Variants in MECOM observed in about 807,000 individuals in gnomAD.
The protein encoded by MECOM is histone-lysine N-methyltransferase MECOM.
MECOM carries 13 observed loss-of-function variants against 116.3 expected under a neutral mutation model. That is an observed-to-expected ratio of 0.11 (90% CI 0.07 to 0.18). The LOEUF is 0.18. Ranked by LOEUF, MECOM falls within the 10% of genes least tolerant of loss-of-function variation. MECOM has a pLI of 1.00. For synonymous variants in MECOM, 528 were observed against 535.2 expected, an observed-to-expected ratio of 0.99 and a Z score of 0.19; for missense variants, 1,299 against 1,509.0, an observed-to-expected ratio of 0.86 and a Z score of 2.31.
At chr3:169,158,195 G>A (rs576364246) in intron 2 of MECOM, among the ~76,000 whole-genome samples, 13 of 152,258 alleles carry the variant, frequency 8.5e-5, no homozygotes, top group Middle Eastern at 3.4e-3. Context: ...GGTGGTTGTC[G>A]TCCCTGGAGA....
chr3:169,496,058 T>A (rs1753762529), intron 1 of MECOM, among the ~76,000 whole-genome samples: 1 of 152,194 alleles, frequency 6.6e-6, no homozygotes, highest in African/African-American at 2.4e-5. Context: ...AGCTTTTCTC[T>A]TGGATCTGCA....
At chr3:169,634,510 T>C (rs1024726313) in intron 1 of MECOM, among the ~76,000 whole-genome samples, 13 of 152,132 alleles carry the variant, frequency 8.5e-5, no homozygotes, top group African/African-American at 2.2e-4. Flanking sequence ...CCAAGGCTTG[T>C]TGGTAAGGGT....
At chr3:169,172,444 T>C (rs990157907) in intron 2 of MECOM, among the ~76,000 whole-genome samples, 1 of 150,600 alleles carries the variant, frequency 6.6e-6, no homozygotes, top group African/African-American at 2.4e-5. Context: ...TGTGTGTGTG[T>C]ATACATATAT....
At chr3:169,184,373 AG>A (rs1746438942) in intron 2 of MECOM, among the ~76,000 whole-genome samples, 1 of 152,186 alleles carries the variant, frequency 6.6e-6, no homozygotes, top group Non-Finnish European at 1.5e-5. Flanking sequence ...TGCTTTCAGG[AG>A]AATTCTGAAT....
chr3:169,252,830 G>T (rs997176670), intron 2 of MECOM, among the ~76,000 whole-genome samples: 3 of 152,206 alleles, frequency 2.0e-5, no homozygotes, highest in Non-Finnish European at 4.4e-5. Context: ...GCTAAAGCCA[G>T]ATATGGTTTG....
chr3:169,212,451 G>GT (rs966958620), intron 2 of MECOM, among the ~76,000 whole-genome samples: 2 of 145,618 alleles, frequency 1.4e-5, no homozygotes, highest in Non-Finnish European at 3.0e-5. Context: ...AAGGGAGAAG[G>GT]TAAAAAAAAA....
chr3:169,346,083 A>G (rs879886882), intron 2 of MECOM, among the ~76,000 whole-genome samples: 1 of 152,086 alleles, frequency 6.6e-6, no homozygotes, highest in Non-Finnish European at 1.5e-5. Context: ...GCTCATGCAG[A>G]GGGTGATGAA....
chr3:169,142,966 T>G (rs1738588910), intron 3 of MECOM, among the ~76,000 whole-genome samples: 1 of 151,922 alleles, frequency 6.6e-6, no homozygotes, highest in Non-Finnish European at 1.5e-5. Flanking sequence ...AAACAAAAAT[T>G]AATGGGCTGA....
intron 1 of MECOM, among the ~76,000 whole-genome samples, chr3:169,492,704 C>T (rs1037868240): frequency 4.6e-5 from 7 of 152,074 alleles, no homozygotes; most frequent in South Asian, 2.1e-4. Context: ...TCTCACGCCT[C>T]TAATCCCAGC....
At chr3:169,478,818 C>T (rs540857774) in intron 1 of MECOM, among the ~76,000 whole-genome samples, 5 of 152,222 alleles carry the variant, frequency 3.3e-5, no homozygotes, top group African/African-American at 9.6e-5. Context: ...TCATTTTAGG[C>T]CCATTTTTAA....
intron 2 of MECOM, among the ~76,000 whole-genome samples, chr3:169,199,257 C>T (rs1408000974): frequency 6.6e-6 from 1 of 152,078 alleles, no homozygotes; most frequent in Non-Finnish European, 1.5e-5. Flanking sequence ...TGCTCTTTCT[C>T]TTCCGTCAGC....
chr3:169,309,250 T>C lies in MECOM; in HGVS notation c.375+71937A>G, dbSNP rs557541749. Among the ~76,000 whole-genome samples, 4 of 152,348 alleles carry C rather than the reference T, an allele frequency of 2.6e-5. No homozygotes were observed. The South Asian group carries it at 8.3e-4, about 32-fold the overall frequency. ...TTTTGACAAAAAAACCTAAATGGTT[T>C]CTATGACATATGCAAGTTTAAATTT... On this transcript the variant is annotated intron_variant, in intron 2 of 16. Coordinates refer to ENST00000651503, the MANE Select transcript of MECOM (RefSeq NM_004991.4).
Position 169,401,707 on chromosome 3 carries a change from T to C in MECOM, c.38-20183A>G, listed in dbSNP as rs147547402. The stretch of plus-strand genomic sequence containing the variant: ...TTGAAGGTGTTTCCCAGAGAAAAGA[T>C]GAGGGAAAAAAAGACCCTACTAGAA... On this transcript the variant is annotated intron_variant, in intron 1 of 16. Coordinates refer to ENST00000651503, the MANE Select transcript of MECOM (RefSeq NM_004991.4). Among the ~76,000 whole-genome samples, 9 of 151,916 alleles carry C rather than the reference T, an allele frequency of 5.9e-5. No individual in the cohort carries two copies. In the East Asian group the frequency reaches 1.5e-3, roughly 26 times the overall value.
chr3:169,293,849 T>C (rs903140958), intron 2 of MECOM, among the ~76,000 whole-genome samples: 6 of 152,238 alleles, frequency 3.9e-5, no homozygotes, highest in Admixed American at 3.3e-4. Context: ...CAGTGTGATC[T>C]ACAGTGTCTA....
chr3:169,484,771 T>C (rs1373829071), intron 1 of MECOM, among the ~76,000 whole-genome samples: 3 of 128,976 alleles, frequency 2.3e-5, no homozygotes, highest in Admixed American at 8.0e-5. Context: ...GAAGGCAGAC[T>C]CCTTAAGAGA....
At chr3:169,472,537 G>GAAAA (rs1396907862) in intron 1 of MECOM, among the ~76,000 whole-genome samples, 58 of 68,320 alleles carry the variant, frequency 8.5e-4, no homozygotes, top group Non-Finnish European at 1.1e-3. Context: ...GAAAAGAAAA[G>GAAAA]GAAAGGAAAG....
At position 169,317,806 on chromosome 3, in the gene MECOM, G is replaced by A. The variant is rs140411294; in HGVS notation, c.375+63381C>T. 7.9e-3 allele frequency among the ~76,000 whole-genome samples: 1,208 copies of A among 152,242 alleles called. 14 individuals are homozygous for A. The highest frequency in any genetic ancestry group is 0.028 in the African/African-American group (1,147 of 41,526). ...GTCATGTGGAAGCAAAAAAGAGCCCGTATAGCCAAGACAATCCTAAGCAAA... is the reference window on the plus strand; with the variant it reads ...GTCATGTGGAAGCAAAAAAGAGCCCATATAGCCAAGACAATCCTAAGCAAA... On this transcript the variant is annotated intron_variant, in intron 2 of 16. Coordinates refer to ENST00000651503, the MANE Select transcript of MECOM (RefSeq NM_004991.4).
At chr3:169,209,928 C>A (rs570188350) in intron 2 of MECOM, among the ~76,000 whole-genome samples, 33 of 152,208 alleles carry the variant, frequency 2.2e-4, no homozygotes, top group African/African-American at 7.7e-4. Flanking sequence ...GCACTATTTA[C>A]AATAGCAAAG....
chr3:169,097,864 T>C lies in MECOM; in HGVS notation c.2850-2619A>G, dbSNP rs190801550. On this transcript the variant is annotated intron_variant, in intron 12 of 16. Coordinates refer to ENST00000651503, the MANE Select transcript of MECOM (RefSeq NM_004991.4). ...AAGGTGGATTCCACTGTCAAGGAGC[T>C]TGTGGTCTACTGGTATTTATCTTTC... Among the ~76,000 whole-genome samples, 67 of 141,326 alleles carry C rather than the reference T, an allele frequency of 4.7e-4. 1 individual carries two copies. The highest frequency in any genetic ancestry group is 7.7e-3 in the Middle Eastern group (2 of 260). 92.7% of individuals were successfully genotyped at this position (141,326 alleles called of 152,430 possible). A position where few individuals can be genotyped will look rare whatever the true frequency, so the allele number is the denominator to read the frequency against.
Sources: allele counts gnomAD v4.1 joint callset (sites outside exome capture counted in the v4.1 genomes callset), GRCh38; gene constraint gnomAD v4.1.1; transcripts MANE v1.5; gene names NCBI Gene and HGNC (gene_info 2026-07-23, HGNC 2026-07-21).